The following SYNDIG1 variants were observed in gnomAD, a reference collection of about 807,000 sequenced individuals.
SYNDIG1 encodes synapse differentiation-inducing gene protein 1.
SYNDIG1 carries 9 observed loss-of-function variants against 19.4 expected under a neutral mutation model. The ratio of observed to expected loss-of-function variants is 0.46; its 90% CI spans 0.28 to 0.81. The LOEUF is 0.81. Ranked by LOEUF, SYNDIG1 falls within the 30% of genes least tolerant of loss-of-function variation. The pLI is 0.12. For synonymous variants in SYNDIG1, 141 were observed against 145.9 expected (o/e 0.97, Z 0.24); for missense variants, 311 against 343.3 (o/e 0.91, Z 0.74).
intron 3 of SYNDIG1, among the ~76,000 whole-genome samples, chr20:24,597,444 C>T (rs1031837487): frequency 2.0e-5 from 3 of 151,926 alleles, no homozygotes; most frequent in African/African-American, 7.3e-5. Flanking sequence ...TTTCGTTGTT[C>T]TGGAAGGGAT....
chr20:24,476,107 C>T (rs1028088092), intron 1 of SYNDIG1, among the ~76,000 whole-genome samples: 3 of 151,966 alleles, frequency 2.0e-5, no homozygotes, highest in African/African-American at 7.2e-5. Context: ...GTGATCTGCC[C>T]GTCTTAGCCT....
At chr20:24,563,083 C>G (rs1215200089) in intron 2 of SYNDIG1, among the ~76,000 whole-genome samples, 1 of 152,182 alleles carries the variant, frequency 6.6e-6, no homozygotes. Context: ...GCCCTCTTGT[C>G]TCAAGTAGTA....
chr20:24,654,302 T>C (rs548668286), intron 3 of SYNDIG1, among the ~76,000 whole-genome samples: 83 of 152,040 alleles, frequency 5.5e-4, no homozygotes, highest in Admixed American at 9.2e-4. Context: ...GGGGAAGGAT[T>C]CTGATTGATA....
intron 1 of SYNDIG1, among the ~76,000 whole-genome samples, chr20:24,515,135 G>A (rs2056834047): frequency 1.3e-5 from 2 of 152,152 alleles, no homozygotes; most frequent in South Asian, 4.1e-4. Context: ...AGTGTGTAGA[G>A]GGAAATTTAT....
intron 2 of SYNDIG1, among the ~76,000 whole-genome samples, chr20:24,570,876 CA>C (rs1416760984): frequency 1.3e-5 from 2 of 152,144 alleles, no homozygotes; most frequent in Non-Finnish European, 2.9e-5. Flanking sequence ...ATTGGAAAAG[CA>C]AATGCTCTTC....
intron 1 of SYNDIG1, among the ~76,000 whole-genome samples, chr20:24,484,602 C>A (rs1446258083): frequency 1.3e-5 from 2 of 152,000 alleles, no homozygotes; most frequent in Non-Finnish European, 2.9e-5. Context: ...AGGGCCATAT[C>A]CAGGAATAGA....
intron 1 of SYNDIG1, among the ~76,000 whole-genome samples, chr20:24,494,858 C>T (rs1398956364): frequency 6.6e-6 from 1 of 152,212 alleles, no homozygotes; most frequent in Non-Finnish European, 1.5e-5. Flanking sequence ...CCCAGAAATG[C>T]ACTTGGTGCC....
chr20:24,557,267 G>C (rs996509740), intron 2 of SYNDIG1, among the ~76,000 whole-genome samples: 5 of 152,066 alleles, frequency 3.3e-5, no homozygotes, highest in Non-Finnish European at 5.9e-5. Context: ...CCTGTAGCTC[G>C]GAGTGGTTTG....
At chr20:24,509,845 T>A (rs1371548131) in intron 1 of SYNDIG1, among the ~76,000 whole-genome samples, 1 of 152,202 alleles carries the variant, frequency 6.6e-6, no homozygotes, top group African/African-American at 2.4e-5. Context: ...TGAAATGTAA[T>A]CCCCAATGTT....
intron 1 of SYNDIG1, among the ~76,000 whole-genome samples, chr20:24,482,364 C>G (rs561703529): frequency 6.6e-6 from 1 of 152,112 alleles, no homozygotes; most frequent in African/African-American, 2.4e-5. Context: ...TCACCACGCC[C>G]GGCCGTGCAT....
intron 1 of SYNDIG1, among the ~76,000 whole-genome samples, chr20:24,480,622 G>A (rs2055770655): frequency 6.6e-6 from 1 of 152,142 alleles, no homozygotes; most frequent in Non-Finnish European, 1.5e-5. Flanking sequence ...TCCCACTTCT[G>A]GGTATATATC....
intron 2 of SYNDIG1, among the ~76,000 whole-genome samples, chr20:24,565,484 A>G (rs567833033): frequency 1.3e-5 from 2 of 152,260 alleles, no homozygotes; most frequent in Non-Finnish European, 2.9e-5. Context: ...GCAGACAGCT[A>G]TTCTCCCAGC....
At chr20:24,660,007 G>A (rs533242608) in intron 3 of SYNDIG1, among the ~76,000 whole-genome samples, 4 of 152,210 alleles carry the variant, frequency 2.6e-5, no homozygotes, top group South Asian at 2.1e-4. Flanking sequence ...AACAGCAGAG[G>A]CAACTTGGGC....
chr20:24,538,773 GTT>G (rs35891354), intron 1 of SYNDIG1, among the ~76,000 whole-genome samples: 2 of 148,586 alleles, frequency 1.3e-5, no homozygotes, highest in African/African-American at 4.9e-5. Flanking sequence ...GTTATTTTCC[GTT>G]TTTTTTTTTA....
chr20:24,491,102 T>A (rs2056135085), intron 1 of SYNDIG1, among the ~76,000 whole-genome samples: 1 of 152,158 alleles, frequency 6.6e-6, no homozygotes, highest in African/African-American at 2.4e-5. Context: ...ATAACCCTTA[T>A]GGGATTGATA....
chr20:24,596,826 C>T (rs997544615), intron 3 of SYNDIG1: 1 of 152,286 alleles, frequency 6.6e-6, no homozygotes, highest in African/African-American at 2.4e-5. Flanking sequence ...CAATCTCCCC[C>T]AGTCCCTTTC....
At chr20:24,472,127 T>C (rs1428757324) in intron 1 of SYNDIG1, among the ~76,000 whole-genome samples, 1 of 152,166 alleles carries the variant, frequency 6.6e-6, no homozygotes, top group Non-Finnish European at 1.5e-5. Context: ...GTATAGGTGA[T>C]ATTAAAATAA....
intron 2 of SYNDIG1, among the ~76,000 whole-genome samples, chr20:24,571,675 GA>G (rs1274807434): frequency 1.3e-5 from 2 of 152,076 alleles, no homozygotes; most frequent in South Asian, 4.2e-4. Context: ...GAACAGTGAA[GA>G]AAAAAAGGAA....
chr20:24,611,050 C>T (rs1038644661), intron 3 of SYNDIG1, among the ~76,000 whole-genome samples: 7 of 152,176 alleles, frequency 4.6e-5, no homozygotes, highest in Non-Finnish European at 7.3e-5. Context: ...CTGAACCACG[C>T]GATGCTCAGG....
Sources: gnomAD v4.1 joint callset for allele counts (sites outside exome capture counted in the v4.1 genomes callset) on GRCh38, gnomAD v4.1.1 for gene constraint, MANE v1.5 for transcripts, NCBI Gene and HGNC (gene_info 2026-07-23, HGNC 2026-07-21) for gene names.